Variants in BUB3 observed in about 807,000 individuals in gnomAD.
BUB3 encodes the protein mitotic checkpoint protein BUB3.
A neutral mutation model predicts 39.9 loss-of-function variants in BUB3; 22 were observed. That is an observed-to-expected ratio of 0.55 (90% CI 0.39 to 0.79). BUB3 has a LOEUF of 0.79. Among genes scored for constraint, BUB3 ranks in the 30% least tolerant of loss-of-function variants. The pLI, the probability that BUB3 is intolerant of heterozygous loss-of-function variation, is 0.00. For synonymous variants in BUB3, 168 were observed against 155.1 expected (o/e 1.08, Z -0.62); for missense variants, 303 against 415.4 (o/e 0.73, Z 2.35).
rs542049861 is a variant in BUB3, at chr10:123,155,228, G to T, written c.195+116G>T. 80 of 1,191,430 alleles carry T rather than the reference G, an allele frequency of 6.7e-5. 1 individual carries two copies. In the Admixed American group the frequency reaches 1.8e-3, roughly 27 times the overall value. The allele number at this position is 1,191,430 out of a possible 1,614,324, so 73.8% of individuals were successfully genotyped here. A position where few individuals can be genotyped will look rare whatever the true frequency, so the allele number is the denominator to read the frequency against. ...GTCTGTCGGTGGGGTTATTTGGACA[G>T]TTCTTTAGCTTTTCAGGAGCATCTG... is the stretch of plus-strand genomic sequence containing the variant. On this transcript the variant is annotated intron_variant, in intron 2 of 7. Transcript: ENST00000368865.
chr10:123,155,211 G>A, intron 2 of BUB3, 99 bp downstream of exon 2: 1 of 1,349,876 alleles, frequency 7.4e-7, no homozygotes, highest in Non-Finnish European at 9.9e-7. Flanking sequence ...GCGTCTGTCG[G>A]TGGGGTTATT....
intron 7 of BUB3, 187 bp downstream of exon 7, chr10:123,163,015 A>G: frequency 1.7e-6 from 1 of 594,434 alleles, no homozygotes; most frequent in Non-Finnish European, 2.9e-6. Flanking sequence ...TCTGATGGAT[A>G]AAATTGTGCC....
chr10:123,154,976 T>G lies in BUB3; in HGVS notation c.59T>G (p.Val20Gly), dbSNP rs1432098508. Residue 20 changes from valine to glycine, a missense_variant, in exon 2 of 8, where the codon GTG (valine) becomes GGG (glycine). Coordinates refer to ENST00000368865, the MANE Select transcript of BUB3 (RefSeq NM_004725.4). ...CCACCCGAGGATGGCATCTCCTCCG[T>G]GAAGTTCAGCCCCAACACCTCCCAG... Reference protein sequence around the residue: ...NQPPEDGISSVKFSPNTSQFL... With the variant: ...NQPPEDGISSGKFSPNTSQFL... 2 of 1,614,008 alleles carry G rather than the reference T, an allele frequency of 1.2e-6. No homozygotes were observed. The highest frequency in any genetic ancestry group is 1.1e-5 in the South Asian group (1 of 91,090).
rs1282651724 is a variant in BUB3 at position 123,169,166 on chromosome 10, G to A, written c.*5331G>A. The A allele has an allele frequency of 6.6e-6, 1 of 152,248 alleles. No homozygotes were observed. The highest frequency in any genetic ancestry group is 2.4e-5 in the African/African-American group (1 of 41,468). 9.4% of individuals were successfully genotyped at this position (152,248 alleles called of 1,614,324 possible). A position where few individuals can be genotyped will look rare whatever the true frequency, so the allele number is the denominator to read the frequency against. Reference sequence around the variant, plus strand: ...CTTTCCCCCTATCGGCTGTTCCAGAGCGAGAGGCTGCAGGTGTCCACTTAC... The same window carrying A: ...CTTTCCCCCTATCGGCTGTTCCAGAACGAGAGGCTGCAGGTGTCCACTTAC... On this transcript the variant is annotated 3_prime_UTR_variant, in exon 8 of 8. Coordinates refer to ENST00000368865, the MANE Select transcript of BUB3 (RefSeq NM_004725.4).
chr10:123,164,610 C>A lies in BUB3; in HGVS notation c.*775C>A. Reference sequence around the variant, plus strand: ...CGTAATTGCAGTGCATTTAGACAGGCATCTATTTGGACCTGTTTCTATCTC... The same window carrying A: ...CGTAATTGCAGTGCATTTAGACAGGAATCTATTTGGACCTGTTTCTATCTC... On this transcript the variant is annotated 3_prime_UTR_variant, in exon 8 of 8. Transcript: ENST00000368865. 1 of 989,398 alleles carries A rather than the reference C, an allele frequency of 1.0e-6. No individual in the cohort carries two copies. The highest frequency in any genetic ancestry group is 1.2e-6 in the Non-Finnish European group (1 of 832,600). The allele number at this position is 989,398 out of a possible 1,614,324, so 61.3% of individuals were successfully genotyped here.
At position 123,157,941 on chromosome 10, in the gene BUB3, A is replaced by C. The variant is rs1238902735; in HGVS notation, c.417+61A>C. 5 of 1,487,934 alleles carry C rather than the reference A, an allele frequency of 3.4e-6. No individual in the cohort carries two copies. The African/African-American group carries it at 4.2e-5, about 13-fold the overall frequency. The allele number at this position is 1,487,934 out of a possible 1,614,324, so 92.2% of individuals were successfully genotyped here. The stretch of plus-strand genomic sequence containing the variant: ...TTTGGGGTGATTTTTGTCTTGGTGC[A>C]TGATTGTTGACTATGCTTGTTGAAT... On this transcript the variant is annotated intron_variant, in intron 4 of 7. Transcript: ENST00000368865.
At position 123,164,105 on chromosome 10, in the gene BUB3, G is replaced by C. The variant is rs1164121674; in HGVS notation, c.*270G>C. ...GACTGCAGTTTTGAGAATCAGTTTT[G>C]ACCTTGATGATTTTTTGTTTCCACT... is the stretch of plus-strand genomic sequence containing the variant. On this transcript the variant is annotated 3_prime_UTR_variant, in exon 8 of 8. Coordinates refer to ENST00000368865, the MANE Select transcript of BUB3 (RefSeq NM_004725.4). The C allele has an allele frequency of 3.5e-6, 4 of 1,141,408 alleles. No homozygotes were observed. The African/African-American group carries it at 6.4e-5, about 18-fold the overall frequency. 70.7% of individuals were successfully genotyped at this position (1,141,408 alleles called of 1,614,324 possible). A position where few individuals can be genotyped will look rare whatever the true frequency, so the allele number is the denominator to read the frequency against.
At chr10:123,163,027 A>G in intron 7 of BUB3, 199 bp downstream of exon 7, 1 of 571,030 alleles carries the variant, frequency 1.8e-6, no homozygotes, top group South Asian at 2.3e-5. Flanking sequence ...AATTGTGCCT[A>G]GTTGTTTTGT....
rs951223742 is a variant in BUB3, at chr10:123,168,390, A to G, written c.*4555A>G. 1 of 152,240 alleles carries G rather than the reference A, an allele frequency of 6.6e-6. No homozygotes were observed. The highest frequency in any genetic ancestry group is 6.5e-5 in the Admixed American group (1 of 15,290). 9.4% of individuals were successfully genotyped at this position (152,240 alleles called of 1,614,324 possible). The stretch of plus-strand genomic sequence containing the variant: ...GACTTGCACAAGCCACACAGCCTGC[A>G]TGGTGTCCACTTTGAGGGGGATGCC... On this transcript the variant is annotated 3_prime_UTR_variant, in exon 8 of 8. Coordinates refer to ENST00000368865, the MANE Select transcript of BUB3 (RefSeq NM_004725.4).
chr10:123,165,478 A>T lies in BUB3; in HGVS notation c.*1643A>T, dbSNP rs1844481184. ...GGGATGACATTTTACCTTTAAGTCC[A>T]CTCTCCCTCGTTTAATTGTCTCCTC... is the stretch of plus-strand genomic sequence containing the variant. On this transcript the variant is annotated 3_prime_UTR_variant, in exon 8 of 8. Coordinates refer to ENST00000368865, the MANE Select transcript of BUB3 (RefSeq NM_004725.4). The T allele has an allele frequency of 6.3e-6, 1 of 158,344 alleles. No homozygotes were observed. The highest frequency in any genetic ancestry group is 1.4e-5 in the Non-Finnish European group (1 of 72,248). The allele number at this position is 158,344 out of a possible 1,614,324, so 9.8% of individuals were successfully genotyped here.
At chr10:123,160,276 G>A (rs1422695200) in intron 4 of BUB3, 131 bp from the exon 5 acceptor site, 9 of 773,758 alleles carry the variant, frequency 1.2e-5, no homozygotes, top group Non-Finnish European at 1.8e-5. Flanking sequence ...ATCTAAAATT[G>A]TTATCTGTGA....
In BUB3 at chr10:123,162,723, C is replaced by T. The variant is rs201610216; in HGVS notation, c.866C>T (p.Thr289Ile). Residue 289 changes from threonine to isoleucine, a missense_variant, in exon 7 of 8, where the codon ACT becomes ATT. Thr to Ile is a moderately conservative substitution (Grantham distance 89, BLOSUM62 -1). Transcript: ENST00000368865. ...IASLAFSNDG[T>I]TLAIASSYMY... ...TCACTTGCCTTCAGTAATGATGGGA[C>T]TACGCTTGCAATAGCGTCATCATAT... 1 of 1,613,948 alleles carries T rather than the reference C, an allele frequency of 6.2e-7. No homozygotes were observed. Among genetic ancestry groups the T allele is most frequent in the Non-Finnish European group, 8.5e-7 (1 of 1,179,924 alleles).
Position 123,162,365 on chromosome 10 carries a change from C to G in BUB3, c.706C>G (p.Pro236Ala). The G allele has an allele frequency of 6.2e-7, 1 of 1,614,046 alleles. No homozygotes were observed. The highest frequency in any genetic ancestry group is 2.2e-5 in the East Asian group (1 of 44,872). ...AGAAAATAATATTGAGCAGATTTAC[C>G]CAGTCAATGCCATTTCTTTTCACAA... ...LKENNIEQIY[P>A]VNAISFHNIH... Residue 236 changes from proline (P) to alanine (A), a missense_variant, in exon 6 of 8, where the codon CCA (proline) becomes GCA (alanine). Pro to Ala is a conservative substitution (Grantham distance 27). Coordinates refer to ENST00000368865, the MANE Select transcript of BUB3 (RefSeq NM_004725.4).
chr10:123,162,738 C>T lies in BUB3; in HGVS notation c.881C>T (p.Ala294Val), dbSNP rs750814689. The change falls in exon 7 of 8, where the codon GCG (alanine) becomes GTG (valine). Residue 294 changes from alanine to valine, a missense_variant. Around this residue, in one of 2 missense-constraint regions of BUB3, gnomAD observed 182 missense variants for 293.1 expected, o/e 0.62. Transcript: ENST00000368865. ...AATGATGGGACTACGCTTGCAATAGCGTCATCATATATGTATGAAATGGAT... is the reference window on the plus strand; with the variant it reads ...AATGATGGGACTACGCTTGCAATAGTGTCATCATATATGTATGAAATGGAT... ...FSNDGTTLAI[A>V]SSYMYEMDDT... 19 of 1,613,782 alleles carry T rather than the reference C, an allele frequency of 1.2e-5. No homozygotes were observed. The highest frequency in any genetic ancestry group is 1.6e-5 in the Non-Finnish European group (19 of 1,179,920).
intron 7 of BUB3, chr10:123,163,377 C>T (rs1844449522): frequency 6.1e-6 from 1 of 164,014 alleles, no homozygotes; most frequent in Non-Finnish European, 1.3e-5. Context: ...GAGCCATTTA[C>T]ATTTTTTGAT....
At position 123,168,538 on chromosome 10, in the gene BUB3, G is replaced by C. The variant is rs1361353326; in HGVS notation, c.*4703G>C. On this transcript the variant is annotated 3_prime_UTR_variant, in exon 8 of 8. Transcript: ENST00000368865. ...ACAAATTCATAAACTTTTGTAAAAC[G>C]TGAGATTTTTTGTGATTTTTTTTTT... 1 of 151,962 alleles carries C rather than the reference G, an allele frequency of 6.6e-6. No individual in the cohort carries two copies. The highest frequency in any genetic ancestry group is 1.5e-5 in the Non-Finnish European group (1 of 67,964). 9.4% of individuals were successfully genotyped at this position (151,962 alleles called of 1,614,324 possible). A position where few individuals can be genotyped will look rare whatever the true frequency, so the allele number is the denominator to read the frequency against.
intron 3 of BUB3, among the ~76,000 whole-genome samples, chr10:123,156,753 G>GTTTTTTTTTTTTTTT (rs756642442): frequency 0.045 from 6,012 of 133,568 alleles, 341 homozygotes; most frequent in Non-Finnish European, 0.063. Flanking sequence ...TTTCTTTCTT[G>GTTTTTTTTTTTTTTT]TTTTTTTTTT....
Position 123,156,753 on chromosome 10 carries a change from G to GTTTTTTTTTTTTT in BUB3, c.266-965_266-964insTTTTTTTTTTTTT, listed in dbSNP as rs756642442. ...ATGAAATCCTTTCTTTTTCTTTCTT[G>GTTTTTTTTTTTTT]TTTTTTTTTTTGAGCTAGAGTCTCA... On this transcript the variant is annotated intron_variant, in intron 3 of 7. Transcript: ENST00000368865. Among the ~76,000 whole-genome samples, 439 of 135,032 alleles carry GTTTTTTTTTTTTT rather than the reference G, an allele frequency of 3.3e-3. 28 individuals are homozygous for GTTTTTTTTTTTTT. The highest frequency in any genetic ancestry group is 0.011 in the African/African-American group (405 of 35,636). 88.6% of individuals were successfully genotyped at this position (135,032 alleles called of 152,430 possible).
In BUB3 at chr10:123,162,664, G is replaced by C. The variant is rs887330972; in HGVS notation, c.807G>C (p.Leu269=). 12 of 1,604,144 alleles carry C rather than the reference G, an allele frequency of 7.5e-6. No individual in the cohort carries two copies. Among genetic ancestry groups the C allele is most frequent in the Non-Finnish European group, 1.7e-6 (2 of 1,177,796 alleles). Residue 269 remains leucine, a synonymous_variant, in exon 7 of 8, where the codon CTG becomes CTC. Transcript: ENST00000368865. ...GGGATCCATTTAACAAAAAGCGACTGTGCCAATTCCATCGGTACCCCACGA... is the reference window on the plus strand; with the variant it reads ...GGGATCCATTTAACAAAAAGCGACTCTGCCAATTCCATCGGTACCCCACGA... ...NIWDPFNKKR[L]CQFHRYPTSI...
Sources: gnomAD v4.1 joint callset for allele counts (sites outside exome capture counted in the v4.1 genomes callset) on GRCh38, gnomAD v4.1.1 for gene constraint, gnomAD v4.1.1 regional missense constraint, MANE v1.5 for transcripts, NCBI Gene and HGNC (gene_info 2026-07-23, HGNC 2026-07-21) for gene names.